The following ARIH1 variants were observed in gnomAD, a reference collection of about 807,000 sequenced individuals.
The protein encoded by ARIH1 is ariadne RBR E3 ubiquitin protein ligase 1.
ARIH1 carries 8 observed loss-of-function variants against 85.0 expected under a neutral mutation model. That is an observed-to-expected ratio of 0.09 (90% CI 0.06 to 0.17). The LOEUF (loss-of-function observed/expected upper bound fraction) is 0.17. Among genes scored for constraint, ARIH1 ranks in the 10% least tolerant of loss-of-function variants. The pLI is 1.00. For missense variants in ARIH1, 311 were observed against 718.1 expected (o/e 0.43, Z 6.48); for synonymous variants, 238 against 253.6 (o/e 0.94, Z 0.59).
intron 2 of ARIH1, among the ~76,000 whole-genome samples, chr15:72,529,987 A>G (rs1440844616): frequency 6.6e-6 from 1 of 152,218 alleles, no homozygotes. Flanking sequence ...TCAGAAAAAA[A>G]TCTAGTAATA....
At chr15:72,526,361 GC>G (rs1292617756) in intron 2 of ARIH1, among the ~76,000 whole-genome samples, 2 of 152,096 alleles carry the variant, frequency 1.3e-5, no homozygotes, top group Non-Finnish European at 2.9e-5. Context: ...CCTCTTGTTT[GC>G]CCCATGCCTC....
chr15:72,589,676 C>T lies in ARIH1; in HGVS notation c.*6384C>T, dbSNP rs1324232650. 6.6e-6 allele frequency: 1 copy of T among 152,108 alleles called. No individual in the cohort carries two copies. Among genetic ancestry groups the T allele is most frequent in the Non-Finnish European group, 1.5e-5 (1 of 68,012 alleles). The allele number at this position is 152,108 out of a possible 1,614,324, so 9.4% of individuals were successfully genotyped here. A position where few individuals can be genotyped will look rare whatever the true frequency, so the allele number is the denominator to read the frequency against. ...GAAGGAGATCTTGGAGATCATAGTT[C>T]GCTGGGTTCACATCATGGAAATCGT... On this transcript the variant is annotated 3_prime_UTR_variant, in exon 14 of 14. Coordinates refer to ENST00000379887, the MANE Select transcript of ARIH1 (RefSeq NM_005744.5).
intron 5 of ARIH1, among the ~76,000 whole-genome samples, chr15:72,556,156 G>A (rs2064173695): frequency 6.6e-6 from 1 of 152,038 alleles, no homozygotes; most frequent in Non-Finnish European, 1.5e-5. Flanking sequence ...TAGAATGTGT[G>A]TATGTGTTAG....
intron 1 of ARIH1, among the ~76,000 whole-genome samples, chr15:72,496,137 C>T (rs1595852385): frequency 6.6e-6 from 1 of 152,236 alleles, no homozygotes; most frequent in East Asian, 1.9e-4. Flanking sequence ...CTCCTGGCTT[C>T]AGGCAGTCCT....
At chr15:72,521,887 A>G (rs1337064293) in intron 2 of ARIH1, among the ~76,000 whole-genome samples, 1 of 151,970 alleles carries the variant, frequency 6.6e-6, no homozygotes, top group African/African-American at 2.4e-5. Flanking sequence ...TTCTGTATTC[A>G]TCTCCCCACC....
At chr15:72,551,394 T>C (rs569608091) in intron 3 of ARIH1, among the ~76,000 whole-genome samples, 2 of 152,224 alleles carry the variant, frequency 1.3e-5, no homozygotes, top group South Asian at 4.1e-4. Context: ...GAGTCAAATA[T>C]GCATGAGGAG....
intron 1 of ARIH1, among the ~76,000 whole-genome samples, chr15:72,488,067 G>A (rs1202718199): frequency 6.6e-6 from 1 of 151,728 alleles, no homozygotes; most frequent in African/African-American, 2.4e-5. Context: ...CAGGGTTTTT[G>A]CTCTGTTGCT....
chr15:72,507,923 T>A (rs2063933379), intron 1 of ARIH1, among the ~76,000 whole-genome samples: 1 of 152,266 alleles, frequency 6.6e-6, no homozygotes, highest in Admixed American at 6.5e-5. Flanking sequence ...ATGGGAGTTC[T>A]ACAGATGTAC....
At chr15:72,489,429 A>G (rs1404600488) in intron 1 of ARIH1, among the ~76,000 whole-genome samples, 2 of 152,182 alleles carry the variant, frequency 1.3e-5, no homozygotes, top group Non-Finnish European at 2.9e-5. Flanking sequence ...GCACCTTAGT[A>G]CAGAAGGTAT....
At chr15:72,514,400 T>A (rs529028165) in intron 1 of ARIH1, among the ~76,000 whole-genome samples, 53 of 152,292 alleles carry the variant, frequency 3.5e-4, no homozygotes, top group South Asian at 1.0e-3. Context: ...TTCATTTTTT[T>A]AAAAAATAGT....
chr15:72,522,329 C>T (rs933075079), intron 2 of ARIH1, among the ~76,000 whole-genome samples: 2 of 152,148 alleles, frequency 1.3e-5, no homozygotes, highest in African/African-American at 4.8e-5. Flanking sequence ...GCCTGGCCTA[C>T]ATGGTGAAAC....
At position 72,547,703 on chromosome 15, in the gene ARIH1, A is replaced by G. The variant is rs1008055803; in HGVS notation, c.588+2739A>G. On this transcript the variant is annotated intron_variant, in intron 3 of 13. Transcript: ENST00000379887. ...TTGACTATTTTATTGTCTTTAACAGATTCTCCTTGCCAGTTGACATTTATA... is the reference window on the plus strand; with the variant it reads ...TTGACTATTTTATTGTCTTTAACAGGTTCTCCTTGCCAGTTGACATTTATA... Among the ~76,000 whole-genome samples the G allele has an allele frequency of 8.5e-5, 13 of 152,250 alleles. 1 individual carries two copies. Among genetic ancestry groups the G allele is most frequent in the Admixed American group, 7.2e-4 (11 of 15,284 alleles).
At chr15:72,561,442 TGACTG>T in intron 5 of ARIH1, 36 bp from the exon 6 acceptor site, 1 of 1,412,320 alleles carries the variant, frequency 7.1e-7, no homozygotes, top group South Asian at 1.2e-5. Context: ...AAAATACTCT[TGACTG>T]GAAACTTTCT....
rs1380452434 is a variant in ARIH1 at position 72,587,511 on chromosome 15, T to A, written c.*4219T>A. 2 of 262,002 alleles carry A rather than the reference T, an allele frequency of 7.6e-6. No individual in the cohort carries two copies. 16.2% of individuals were successfully genotyped at this position (262,002 alleles called of 1,614,324 possible). ...TTTAGTTATTCAAATGAATTTCCAT[T>A]GTAAAGAATTTTGGATAGTCTGCAG... On this transcript the variant is annotated 3_prime_UTR_variant, in exon 14 of 14. Coordinates refer to ENST00000379887, the MANE Select transcript of ARIH1 (RefSeq NM_005744.5).
intron 1 of ARIH1, among the ~76,000 whole-genome samples, chr15:72,501,133 G>C (rs1481405053): frequency 2.0e-5 from 3 of 152,120 alleles, no homozygotes; most frequent in Non-Finnish European, 2.9e-5. Context: ...GATTTACATG[G>C]CCTGTTATTG....
chr15:72,508,699 T>C (rs936161639), intron 1 of ARIH1, among the ~76,000 whole-genome samples: 3 of 150,734 alleles, frequency 2.0e-5, no homozygotes, highest in South Asian at 2.1e-4. Flanking sequence ...TTCTTTCTTT[T>C]TTTTTTTTTT....
In ARIH1 at chr15:72,582,027, CT is replaced by C; in HGVS notation, c.1477-44del. The C allele has an allele frequency of 7.6e-7, 1 of 1,318,066 alleles. No homozygotes were observed. Among genetic ancestry groups the C allele is most frequent in the Non-Finnish European group, 1.1e-6 (1 of 920,798 alleles). 81.6% of individuals were successfully genotyped at this position (1,318,066 alleles called of 1,614,324 possible). On this transcript the variant is annotated intron_variant, in intron 12 of 13. Transcript: ENST00000379887. The surrounding 1 kb of genome is among the most constrained non-coding windows in gnomAD (Gnocchi z 4.6). ...CAACAAAACAGTGAAAATGGTTTAT[CT>C]TTTAGCTTTATTTTGAAGCCAAAAT... is the stretch of plus-strand genomic sequence containing the variant.
intron 2 of ARIH1, among the ~76,000 whole-genome samples, chr15:72,521,258 A>G (rs964272497): frequency 3.9e-5 from 5 of 127,398 alleles, no homozygotes; most frequent in African/African-American, 1.5e-4. Flanking sequence ...TTTTTTTCTA[A>G]ATACACTGTT....
chr15:72,491,591 A>C (rs1042587307), intron 1 of ARIH1, among the ~76,000 whole-genome samples: 5 of 152,218 alleles, frequency 3.3e-5, no homozygotes, highest in Non-Finnish European at 5.9e-5. Flanking sequence ...ATTGATAAAA[A>C]TAAGTCTTGG....
Sources: gnomAD v4.1 joint callset for allele counts (sites outside exome capture counted in the v4.1 genomes callset) on GRCh38, gnomAD v4.1.1 for gene constraint, Gnocchi (gnomAD v3.1) non-coding constraint, MANE v1.5 for transcripts, NCBI Gene and HGNC (gene_info 2026-07-23, HGNC 2026-07-21) for gene names.